Variants in PACS1 observed in about 807,000 individuals in gnomAD.
PACS1 encodes the protein phosphofurin acidic cluster sorting protein 1, also known as PACS-1.
A neutral mutation model predicts 115.0 loss-of-function variants in PACS1; 24 were observed. That is an observed-to-expected ratio of 0.21 (90% CI 0.15 to 0.29). The LOEUF is 0.29. PACS1 is among the 10% of genes least tolerant of loss of function. The pLI, the probability that PACS1 is intolerant of heterozygous loss-of-function variation, is 1.00. For synonymous variants in PACS1, 453 were observed against 504.5 expected (o/e 0.90, Z 1.37); for missense variants, 838 against 1,251.2 (o/e 0.67, Z 4.98).
intron 1 of PACS1, among the ~76,000 whole-genome samples, chr11:66,133,358 T>C (rs1193323989): frequency 6.6e-6 from 1 of 152,182 alleles, no homozygotes; most frequent in Non-Finnish European, 1.5e-5. Context: ...GAGCTGAGTT[T>C]TTTTCCTATG....
In PACS1 at chr11:66,170,944, T is replaced by C. The variant is rs573676389; in HGVS notation, c.357-22542T>C. The stretch of plus-strand genomic sequence containing the variant: ...AAAAAAAGGAAATTTGTTGGTAACT[T>C]ACTTTATACCTAAATACAAGATCAG... On this transcript the variant is annotated intron_variant, in intron 1 of 23. Coordinates refer to ENST00000320580, the MANE Select transcript of PACS1 (RefSeq NM_018026.4). 7.1e-4 allele frequency among the ~76,000 whole-genome samples: 107 copies of C among 149,962 alleles called. 2 individuals are homozygous for C. Among genetic ancestry groups the C allele is most frequent in the Admixed American group, 2.0e-3 (30 of 15,180 alleles).
At chr11:66,159,483 A>G (rs1369446475) in intron 1 of PACS1, among the ~76,000 whole-genome samples, 2 of 152,104 alleles carry the variant, frequency 1.3e-5, no homozygotes, top group African/African-American at 4.8e-5. Flanking sequence ...TGCATATGCA[A>G]GGTGGGGAGA....
intron 1 of PACS1, among the ~76,000 whole-genome samples, chr11:66,072,937 T>C (rs1434251883): frequency 6.6e-6 from 1 of 152,246 alleles, no homozygotes; most frequent in East Asian, 1.9e-4. Context: ...TTTTGGTCAC[T>C]GCAAAGTCCA....
intron 4 of PACS1, among the ~76,000 whole-genome samples, chr11:66,213,650 G>T (rs1465861508): frequency 2.0e-5 from 3 of 152,224 alleles, no homozygotes; most frequent in Admixed American, 2.0e-4. Flanking sequence ...ATCTAACCGT[G>T]AGCACACATC....
At chr11:66,202,742 A>AAAAAAAAAAAAAT (rs1200930188) in intron 2 of PACS1, among the ~76,000 whole-genome samples, 2 of 71,648 alleles carry the variant, frequency 2.8e-5, no homozygotes, top group African/African-American at 8.0e-5. Context: ...AAAAAAAAAA[A>AAAAAAAAAAAAAT]ATATATATAT....
chr11:66,211,331 G>T, intron 4 of PACS1, 72 bp downstream of exon 4: 1 of 1,522,512 alleles, frequency 6.6e-7, no homozygotes, highest in Admixed American at 1.9e-5. Flanking sequence ...AGCCCAGCCA[G>T]TTGAGCCTTC....
chr11:66,217,350 G>T (rs1339503048), intron 7 of PACS1: 2 of 335,030 alleles, frequency 6.0e-6, no homozygotes, highest in Non-Finnish European at 1.2e-5. Flanking sequence ...TGACATTTGA[G>T]TCCTGAACTA....
chr11:66,197,235 C>T (rs963787851), intron 2 of PACS1, among the ~76,000 whole-genome samples: 10 of 152,044 alleles, frequency 6.6e-5, no homozygotes, highest in African/African-American at 2.4e-4. Context: ...CAGCTTCTCC[C>T]AACACTAATA....
chr11:66,205,069 C>T (rs567462085), intron 2 of PACS1, among the ~76,000 whole-genome samples: 81 of 152,228 alleles, frequency 5.3e-4, no homozygotes, highest in African/African-American at 1.5e-3. Context: ...ACTGCAACCT[C>T]CACCTCCCAG....
intron 1 of PACS1, among the ~76,000 whole-genome samples, chr11:66,141,534 G>T (rs552770343): frequency 9.2e-5 from 14 of 151,884 alleles, no homozygotes; most frequent in Admixed American, 2.6e-4. Flanking sequence ...GGTGCCTGTA[G>T]TCCTGGCCAC....
intron 9 of PACS1, 29 bp downstream of exon 9, chr11:66,220,820 C>G: frequency 1.2e-6 from 2 of 1,608,686 alleles, no homozygotes; most frequent in Non-Finnish European, 1.7e-6. Flanking sequence ...AGCTGGCCTC[C>G]AGACTCTCCT....
chr11:66,174,150 A>G (rs889543949), intron 1 of PACS1, among the ~76,000 whole-genome samples: 3 of 152,262 alleles, frequency 2.0e-5, no homozygotes, highest in African/African-American at 7.2e-5. Context: ...CGCTTGAGAA[A>G]GGCAAATTAG....
chr11:66,156,491 C>T (rs1242555905), intron 1 of PACS1, among the ~76,000 whole-genome samples: 4 of 151,582 alleles, frequency 2.6e-5, no homozygotes, highest in African/African-American at 2.4e-5. Context: ...GTGATCCATC[C>T]GTCTTGGCCT....
At chr11:66,128,346 G>A (rs536283668) in intron 1 of PACS1, among the ~76,000 whole-genome samples, 1 of 152,196 alleles carries the variant, frequency 6.6e-6, no homozygotes, top group South Asian at 2.1e-4. Flanking sequence ...TGAAAATTGT[G>A]GATACATTTT....
At chr11:66,215,401 G>T (rs1010974136) in intron 4 of PACS1, among the ~76,000 whole-genome samples, 3 of 151,814 alleles carry the variant, frequency 2.0e-5, no homozygotes, top group African/African-American at 7.3e-5. Context: ...CCAAGATTTC[G>T]AGATCAGACT....
chr11:66,140,662 A>C (rs182755301), intron 1 of PACS1, among the ~76,000 whole-genome samples: 1 of 152,066 alleles, frequency 6.6e-6, no homozygotes, highest in African/African-American at 2.4e-5. Context: ...CTCAGTTCCC[A>C]ATTTTCCTCA....
chr11:66,241,728 A>C, intron 22 of PACS1, 75 bp downstream of exon 22: 1 of 1,238,030 alleles, frequency 8.1e-7, no homozygotes, highest in Non-Finnish European at 1.2e-6. Flanking sequence ...CTGGGAATAA[A>C]TCTGCTTTTG....
At chr11:66,098,715 C>T (rs553810434) in intron 1 of PACS1, among the ~76,000 whole-genome samples, 67 of 152,322 alleles carry the variant, frequency 4.4e-4, no homozygotes, top group African/African-American at 1.4e-3. Flanking sequence ...TAGCTGTCAG[C>T]GTCTCTTCAC....
chr11:66,189,791 C>T (rs1011374250), intron 1 of PACS1, among the ~76,000 whole-genome samples: 4 of 152,172 alleles, frequency 2.6e-5, no homozygotes, highest in Admixed American at 6.5e-5. Context: ...AAACCTAACC[C>T]ATCAGAAGCG....
Sources: gnomAD v4.1 joint callset for allele counts (sites outside exome capture counted in the v4.1 genomes callset) on GRCh38, gnomAD v4.1.1 for gene constraint, MANE v1.5 for transcripts, NCBI Gene and HGNC (gene_info 2026-07-23, HGNC 2026-07-21) for gene names.